The following ASIC2 variants were observed in gnomAD, a reference collection of about 807,000 sequenced individuals.
The protein encoded by ASIC2 is acid sensing ion channel subunit 2, also known as acid-sensing ion channel 2.
ASIC2 carries 25 observed loss-of-function variants against 57.3 expected under a neutral mutation model. The observed-to-expected ratio is 0.44, with a 90% confidence interval of 0.32 to 0.61. The LOEUF (loss-of-function observed/expected upper bound fraction) is 0.61, where lower values mean the gene tolerates loss of function less well. ASIC2 is among the 20% of genes least tolerant of loss of function. The pLI is 0.06. For synonymous variants in ASIC2, 319 were observed against 307.5 expected (o/e 1.04, Z -0.39); for missense variants, 641 against 738.1 (o/e 0.87, Z 1.52).
chr17:33,579,788 C>A (rs538603891), intron 1 of ASIC2, among the ~76,000 whole-genome samples: 1 of 152,146 alleles, frequency 6.6e-6, no homozygotes, highest in Non-Finnish European at 1.5e-5. Flanking sequence ...GAACAAACTA[C>A]CACACCGTGA....
chr17:33,994,011 G>C (rs543837591), intron 1 of ASIC2, among the ~76,000 whole-genome samples: 2 of 152,140 alleles, frequency 1.3e-5, no homozygotes, highest in South Asian at 2.1e-4. Flanking sequence ...TTTTTTGCCT[G>C]TGTATCTCCA....
chr17:33,253,842 C>T (rs1035076891), intron 1 of ASIC2, among the ~76,000 whole-genome samples: 2 of 152,042 alleles, frequency 1.3e-5, no homozygotes, highest in African/African-American at 2.4e-5. Context: ...TGTTCCAGCC[C>T]CATGATGCCG....
intron 1 of ASIC2, among the ~76,000 whole-genome samples, chr17:34,061,186 C>T (rs1270385634): frequency 1.3e-5 from 2 of 152,146 alleles, no homozygotes; most frequent in African/African-American, 2.4e-5. Flanking sequence ...GGATTTGGGA[C>T]CTATCTTTAG....
intron 1 of ASIC2, among the ~76,000 whole-genome samples, chr17:33,803,590 T>TTC (rs1555562909): frequency 1.3e-5 from 2 of 149,570 alleles, no homozygotes; most frequent in African/African-American, 2.4e-5. Flanking sequence ...CCTTTTCTTT[T>TTC]TTTTTTTTTT....
intron 1 of ASIC2, among the ~76,000 whole-genome samples, chr17:34,095,637 A>ATATATATATATATATATAATTT (rs1567818877): frequency 9.8e-4 from 124 of 126,652 alleles, no homozygotes; most frequent in Middle Eastern, 3.8e-3. Context: ...ATAATTTTAT[A>ATATATATATATATATATAATTT]TATATATATA....
At chr17:33,909,032 T>C (rs444953) in intron 1 of ASIC2, among the ~76,000 whole-genome samples, 117,539 of 152,116 alleles carry the variant, frequency 0.77, 45,868 homozygotes, top group East Asian at 0.89. Flanking sequence ...CATCAGCTGT[T>C]GAATGGTGGC....
At chr17:33,878,864 C>T (rs1466977084) in intron 1 of ASIC2, among the ~76,000 whole-genome samples, 2 of 152,136 alleles carry the variant, frequency 1.3e-5, no homozygotes, top group Admixed American at 6.6e-5. Context: ...AGAGAAAGGT[C>T]GGGTTACCCA....
chr17:33,770,596 A>G (rs1025657321), intron 1 of ASIC2, among the ~76,000 whole-genome samples: 17 of 152,088 alleles, frequency 1.1e-4, no homozygotes, highest in Non-Finnish European at 2.5e-4. Context: ...TACATTTTCC[A>G]GGTTGTAAAT....
Position 33,464,520 on chromosome 17 carries a change from CT to C in ASIC2, c.556-352454del, listed in dbSNP as rs71144881. On this transcript the variant is annotated intron_variant, in intron 1 of 9. Transcript: ENST00000359872. ...TCTTTCTTTCTTTCTTTCTTTCTTT[CT>C]TTCTTTCTTTCTTTCTTTCTCTTTC... 1.4e-4 allele frequency among the ~76,000 whole-genome samples: 6 copies of C among 42,350 alleles called. 1 individual carries two copies. The highest frequency in any genetic ancestry group is 2.1e-4 in the African/African-American group (2 of 9,342). The allele number at this position is 42,350 out of a possible 152,430, so 27.8% of individuals were successfully genotyped here.
intron 1 of ASIC2, among the ~76,000 whole-genome samples, chr17:33,505,146 T>C (rs1269941633): frequency 6.6e-6 from 1 of 152,100 alleles, no homozygotes; most frequent in Non-Finnish European, 1.5e-5. Context: ...CAGTTCAATA[T>C]GGTGGGCGGG....
chr17:33,672,966 ATATGTTAC>A (rs1907683971), intron 1 of ASIC2, among the ~76,000 whole-genome samples: 1 of 152,256 alleles, frequency 6.6e-6, no homozygotes, highest in South Asian at 2.1e-4. Context: ...AGCATGCCAC[ATATGTTAC>A]ATAACGCCCA....
chr17:33,692,865 C>CA (rs1292972925), intron 1 of ASIC2, among the ~76,000 whole-genome samples: 29 of 152,200 alleles, frequency 1.9e-4, no homozygotes, highest in African/African-American at 7.0e-4. Context: ...GGGCCATCCT[C>CA]ATATATTGTC....
intron 1 of ASIC2, among the ~76,000 whole-genome samples, chr17:33,772,084 C>T (rs1911130316): frequency 6.6e-6 from 1 of 152,228 alleles, no homozygotes; most frequent in Non-Finnish European, 1.5e-5. Context: ...TAGAATCCCT[C>T]TTTCCCAAGG....
intron 1 of ASIC2, among the ~76,000 whole-genome samples, chr17:33,756,744 C>T (rs1332630875): frequency 6.6e-6 from 1 of 152,172 alleles, no homozygotes; most frequent in African/African-American, 2.4e-5. Context: ...AAGTGACAGC[C>T]CAAAGAGAGG....
chr17:33,469,008 G>A (rs898884676), intron 1 of ASIC2, among the ~76,000 whole-genome samples: 1 of 152,240 alleles, frequency 6.6e-6, no homozygotes, highest in Admixed American at 6.5e-5. Context: ...GAGCCTGGCG[G>A]AGGCCTGGGC....
chr17:33,142,531 G>T (rs1000749332), intron 1 of ASIC2, among the ~76,000 whole-genome samples: 3 of 152,156 alleles, frequency 2.0e-5, no homozygotes, highest in East Asian at 1.9e-4. Context: ...CCAGCCAGGG[G>T]TCCTCAGCAA....
Position 33,443,406 on chromosome 17 carries a change from A to ATTTT in ASIC2, c.556-331343_556-331340dup, listed in dbSNP as rs779597047. Reference sequence around the variant, plus strand: ...TTTTTTATGTATGGTGGAGGGTAAGATTTTTTTTTTTTTTTTTTTTTTTTT... The same window carrying ATTTT: ...TTTTTTATGTATGGTGGAGGGTAAGATTTTTTTTTTTTTTTTTTTTTTTTTTTTT... On this transcript the variant is annotated intron_variant, in intron 1 of 9. Coordinates refer to the ASIC2 transcript ENST00000359872. Among the ~76,000 whole-genome samples, 101 of 75,246 alleles carry ATTTT rather than the reference A, an allele frequency of 1.3e-3. 2 individuals are homozygous for ATTTT. The highest frequency in any genetic ancestry group is 2.4e-3 in the African/African-American group (43 of 18,102). The allele number at this position is 75,246 out of a possible 152,430, so 49.4% of individuals were successfully genotyped here.
At chr17:33,437,806 C>A (rs1317153168) in intron 1 of ASIC2, among the ~76,000 whole-genome samples, 1 of 152,020 alleles carries the variant, frequency 6.6e-6, no homozygotes, top group Non-Finnish European at 1.5e-5. Context: ...AAAAACAAAC[C>A]CAAAAAACTT....
chr17:33,926,768 A>G (rs1337974012), intron 1 of ASIC2, among the ~76,000 whole-genome samples: 5 of 152,244 alleles, frequency 3.3e-5, no homozygotes, highest in Non-Finnish European at 7.3e-5. Context: ...GAATACCTGT[A>G]TCTGCTATTA....
Sources: allele counts gnomAD v4.1 joint callset (sites outside exome capture counted in the v4.1 genomes callset), GRCh38; gene constraint gnomAD v4.1.1; transcripts MANE v1.5; gene names NCBI Gene and HGNC (gene_info 2026-07-23, HGNC 2026-07-21).